The following FUT9 variants were observed in gnomAD, a reference collection of about 807,000 sequenced individuals.
FUT9 encodes the protein 4-galactosyl-N-acetylglucosaminide 3-alpha-L-fucosyltransferase 9.
Under a neutral mutation model 29.7 loss-of-function variants are expected in FUT9, and 15 were observed. The observed-to-expected ratio is 0.51, with a 90% CI of 0.34 to 0.78. FUT9 has a LOEUF of 0.78. Ranked by LOEUF, FUT9 falls within the 30% of genes least tolerant of loss-of-function variation. The pLI, the probability that FUT9 is intolerant of heterozygous loss-of-function variation, is 0.01. For missense variants in FUT9, 319 were observed against 425.4 expected, an observed-to-expected ratio of 0.75 and a Z score of 2.20; for synonymous variants, 169 against 153.7, an observed-to-expected ratio of 1.10 and a Z score of -0.74.
intron 1 of FUT9, among the ~76,000 whole-genome samples, chr6:96,107,082 T>C (rs1771702953): frequency 1.3e-5 from 2 of 152,320 alleles, no homozygotes; most frequent in Middle Eastern, 6.8e-3. Context: ...ATGTTTACCA[T>C]ATGGATCTCT....
chr6:96,049,893 C>T (rs781555617), intron 1 of FUT9, among the ~76,000 whole-genome samples: 11 of 152,070 alleles, frequency 7.2e-5, no homozygotes, highest in Non-Finnish European at 1.3e-4. Flanking sequence ...TGTCAGGCAG[C>T]GTAAAATATG....
At chr6:96,160,400 C>T (rs1772874594) in intron 2 of FUT9, among the ~76,000 whole-genome samples, 1 of 152,140 alleles carries the variant, frequency 6.6e-6, no homozygotes, top group African/African-American at 2.4e-5. Context: ...ATTTCCATTA[C>T]TATCCATGTT....
intron 1 of FUT9, among the ~76,000 whole-genome samples, chr6:96,025,990 A>G (rs1770160996): frequency 6.6e-6 from 1 of 151,714 alleles, no homozygotes; most frequent in Non-Finnish European, 1.5e-5. Context: ...ACACATTACA[A>G]ACAAAAAGGC....
At chr6:96,017,062 G>C (rs906945805) in intron 1 of FUT9, among the ~76,000 whole-genome samples, 1 of 152,200 alleles carries the variant, frequency 6.6e-6, no homozygotes, top group Non-Finnish European at 1.5e-5. Context: ...GGTTAAGAAC[G>C]GAGGACTTGC....
chr6:96,213,995 C>T lies in FUT9; in HGVS notation c.*9760C>T, dbSNP rs1457595555. ...CTCAATCCGTATGCATGATTCACGT[C>T]CTTTCAAAAGTCCCTTTTCAACATT... On this transcript the variant is annotated 3_prime_UTR_variant, in exon 3 of 3. Transcript: ENST00000302103. 1.2e-5 allele frequency: 2 copies of T among 166,844 alleles called. No homozygotes were observed. The highest frequency in any genetic ancestry group is 4.8e-5 in the African/African-American group (2 of 41,406). 10.3% of individuals were successfully genotyped at this position (166,844 alleles called of 1,614,324 possible).
chr6:96,148,414 A>G (rs1199878029), intron 2 of FUT9, among the ~76,000 whole-genome samples: 9 of 152,228 alleles, frequency 5.9e-5, no homozygotes, highest in South Asian at 4.1e-4. Flanking sequence ...AAAATGAGGG[A>G]GTACTCTGTA....
At chr6:96,171,077 T>C (rs1237394584) in intron 2 of FUT9, among the ~76,000 whole-genome samples, 2 of 152,204 alleles carry the variant, frequency 1.3e-5, no homozygotes, top group South Asian at 2.1e-4. Context: ...GAAACAGAAG[T>C]GCAGAACAGG....
At chr6:96,110,132 A>C (rs894728273) in intron 1 of FUT9, among the ~76,000 whole-genome samples, 3 of 152,176 alleles carry the variant, frequency 2.0e-5, no homozygotes, top group Admixed American at 6.5e-5. Context: ...GGGCCTTTCC[A>C]TCAGGTGCTG....
intron 1 of FUT9, among the ~76,000 whole-genome samples, chr6:96,026,093 T>C (rs180746582): frequency 7.7e-4 from 114 of 148,658 alleles, no homozygotes; most frequent in Admixed American, 5.9e-3. Flanking sequence ...GGCTGTCTGC[T>C]TTACAAACAT....
chr6:96,096,744 C>T (rs1771502568), intron 1 of FUT9, among the ~76,000 whole-genome samples: 1 of 145,162 alleles, frequency 6.9e-6, no homozygotes, highest in Non-Finnish European at 1.5e-5. Flanking sequence ...ATTCACCTTC[C>T]CAAGGCCTTT....
intron 1 of FUT9, among the ~76,000 whole-genome samples, chr6:96,061,985 G>T (rs191713222): frequency 6.6e-6 from 1 of 152,010 alleles, no homozygotes; most frequent in African/African-American, 2.4e-5. Context: ...AAGTCAATTC[G>T]ATCTTTACCA....
At chr6:96,190,683 T>C (rs1218667677) in intron 2 of FUT9, among the ~76,000 whole-genome samples, 1 of 152,222 alleles carries the variant, frequency 6.6e-6, no homozygotes, top group African/African-American at 2.4e-5. Context: ...GTACCCTTTC[T>C]TCCAGTTGAT....
At chr6:96,113,872 T>A (rs993028627) in intron 1 of FUT9, among the ~76,000 whole-genome samples, 167 bp from the exon 2 acceptor site, 22 of 148,884 alleles carry the variant, frequency 1.5e-4, no homozygotes, top group African/African-American at 4.7e-4. Context: ...AAAAAAAAAA[T>A]TTAACAGAAA....
intron 1 of FUT9, among the ~76,000 whole-genome samples, chr6:96,101,112 G>T (rs542889974): frequency 2.0e-5 from 3 of 152,254 alleles, no homozygotes; most frequent in African/African-American, 7.2e-5. Context: ...ATTCTGCAAA[G>T]AATTCTAAAT....
intron 2 of FUT9, among the ~76,000 whole-genome samples, chr6:96,152,455 G>A (rs936790708): frequency 2.0e-5 from 3 of 152,128 alleles, no homozygotes; most frequent in Non-Finnish European, 4.4e-5. Context: ...TACTGGGAAG[G>A]TCAGGGTGAG....
chr6:96,024,710 A>C (rs1770133844), intron 1 of FUT9, among the ~76,000 whole-genome samples: 1 of 151,758 alleles, frequency 6.6e-6, no homozygotes, highest in Non-Finnish European at 1.5e-5. Flanking sequence ...AAGGATAGGG[A>C]AGTTTCTCTG....
At chr6:96,021,176 G>A (rs1216991342) in intron 1 of FUT9, among the ~76,000 whole-genome samples, 2 of 152,048 alleles carry the variant, frequency 1.3e-5, no homozygotes, top group East Asian at 1.9e-4. Flanking sequence ...GGCATGCTGT[G>A]GCTAAGGCTT....
chr6:96,088,964 A>G (rs1771367327), intron 1 of FUT9, among the ~76,000 whole-genome samples: 1 of 136,626 alleles, frequency 7.3e-6, no homozygotes, highest in Non-Finnish European at 1.6e-5. Context: ...TTTCCTTTTG[A>G]GGACTGTTTT....
intron 2 of FUT9, among the ~76,000 whole-genome samples, chr6:96,165,106 A>G (rs1772990560): frequency 6.6e-6 from 1 of 152,190 alleles, no homozygotes; most frequent in African/African-American, 2.4e-5. Flanking sequence ...TCACTAAATG[A>G]TGAGAGAAAA....
Sources: allele counts gnomAD v4.1 joint callset (sites outside exome capture counted in the v4.1 genomes callset), GRCh38; gene constraint gnomAD v4.1.1; transcripts MANE v1.5; gene names NCBI Gene and HGNC (gene_info 2026-07-23, HGNC 2026-07-21).